TUSC3: variants seen among roughly 807,000 people sequenced by gnomAD.
TUSC3 encodes the protein dolichyl-diphosphooligosaccharide--protein glycosyltransferase subunit TUSC3.
TUSC3 carries 45 observed loss-of-function variants against 44.8 expected under a neutral mutation model. The ratio of observed to expected loss-of-function variants is 1.00; its 90% CI spans 0.79 to 1.29. The LOEUF is 1.29. Among genes scored for constraint, TUSC3 ranks in the 50% most tolerant of loss-of-function variants. The pLI is 0.00. For missense variants in TUSC3, 519 were observed against 437.9 expected, an observed-to-expected ratio of 1.19 and a Z score of -1.65; for synonymous variants, 212 against 152.9, an observed-to-expected ratio of 1.39 and a Z score of -2.85.
At chr8:15,736,367 T>C (rs191015294) in intron 7 of TUSC3, among the ~76,000 whole-genome samples, 13 of 152,276 alleles carry the variant, frequency 8.5e-5, no homozygotes, top group South Asian at 6.2e-4. Flanking sequence ...AAATATGCAG[T>C]TTTTGAAACC....
chr8:15,608,245 C>A (rs1804616212), intron 1 of TUSC3, among the ~76,000 whole-genome samples: 1 of 151,880 alleles, frequency 6.6e-6, no homozygotes, highest in African/African-American at 2.4e-5. Context: ...TATATTTTAT[C>A]CTCAAGAGGT....
At chr8:15,784,557 C>G in the TUSC3 span, among the ~76,000 whole-genome samples, 1 of 151,898 alleles carries the variant, frequency 6.6e-6, no homozygotes, top group African/African-American at 2.4e-5. Context: ...TGCACACACA[C>G]ACACCGTGGA....
At chr8:15,494,220 C>T (rs1423332727) in intron 2 of TUSC3, among the ~76,000 whole-genome samples, 2 of 151,766 alleles carry the variant, frequency 1.3e-5, no homozygotes, top group Non-Finnish European at 2.9e-5. Context: ...CCGTGGATGT[C>T]GTATGGCGTT....
chr8:15,741,656 C>T (rs906580849), intron 7 of TUSC3, among the ~76,000 whole-genome samples: 3 of 151,546 alleles, frequency 2.0e-5, no homozygotes, highest in Admixed American at 2.0e-4. Context: ...CACTGCACTG[C>T]AGCCTGGGCT....
At chr8:15,652,939 G>C (rs1298323375) in intron 3 of TUSC3, among the ~76,000 whole-genome samples, 1 of 151,990 alleles carries the variant, frequency 6.6e-6, no homozygotes, top group East Asian at 1.9e-4. Flanking sequence ...TATCTGTTTT[G>C]TTACGATACC....
At chr8:15,524,894 G>A (rs2129130056) in intron 2 of TUSC3, among the ~76,000 whole-genome samples, 1 of 152,272 alleles carries the variant, frequency 6.6e-6, no homozygotes, top group East Asian at 1.9e-4. Flanking sequence ...TCACTCTTCT[G>A]TAACAGTGAA....
intron 1 of TUSC3, among the ~76,000 whole-genome samples, chr8:15,617,657 G>C (rs1805056169): frequency 6.6e-6 from 1 of 152,184 alleles, no homozygotes; most frequent in African/African-American, 2.4e-5. Context: ...AATAACTTGA[G>C]TATGTTATTT....
chr8:15,601,348 A>T (rs146282474), intron 1 of TUSC3, among the ~76,000 whole-genome samples: 180 of 151,806 alleles, frequency 1.2e-3, no homozygotes, highest in African/African-American at 4.2e-3. Context: ...TGTAGTAGAA[A>T]TGGAAGGCCC....
intron 1 of TUSC3, among the ~76,000 whole-genome samples, chr8:15,570,685 T>C (rs1563295457): frequency 1.3e-5 from 2 of 152,062 alleles, no homozygotes; most frequent in Non-Finnish European, 2.9e-5. Context: ...TTTTATTGTA[T>C]AGGTGAACTT....
intron 1 of TUSC3, among the ~76,000 whole-genome samples, chr8:15,432,092 C>G (rs1029530572): frequency 7.3e-5 from 11 of 151,656 alleles, no homozygotes; most frequent in African/African-American, 2.7e-4. Context: ...TTGTTCTTGT[C>G]TGGCTTTGGT....
rs1043860857 is a variant in TUSC3, at chr8:15,740,148, A to T, written c.863-3390A>T. ...GGCTTCTCTGACAAGATTGAATTTG[A>T]ACAGAGACCCAGTGGAAGTGAGGGA... On this transcript the variant is annotated intron_variant, in intron 7 of 10. Coordinates refer to ENST00000503731, the MANE Select transcript of TUSC3 (RefSeq NM_006765.4). Among the ~76,000 whole-genome samples the T allele has an allele frequency of 6.6e-5, 10 of 152,298 alleles. 1 individual carries two copies. The Middle Eastern group carries it at 0.014, about 207-fold the overall frequency.
the TUSC3 span, among the ~76,000 whole-genome samples, chr8:15,802,268 C>G: frequency 6.6e-6 from 1 of 152,132 alleles, no homozygotes; most frequent in Non-Finnish European, 1.5e-5. Context: ...AAATAATTAT[C>G]AGGAAATTAA....
At chr8:15,830,964 C>A in the TUSC3 span, among the ~76,000 whole-genome samples, 1 of 150,974 alleles carries the variant, frequency 6.6e-6, no homozygotes, top group Non-Finnish European at 1.5e-5. Flanking sequence ...CACGCTGTCA[C>A]TGCCACCACT....
At chr8:15,762,474 T>C (rs1812201799) in intron 10 of TUSC3, among the ~76,000 whole-genome samples, 1 of 152,102 alleles carries the variant, frequency 6.6e-6, no homozygotes, top group Admixed American at 6.6e-5. Flanking sequence ...TATACCTAAG[T>C]ATCATAAAAC....
chr8:15,703,961 A>C (rs1415217351), intron 6 of TUSC3, among the ~76,000 whole-genome samples: 1 of 152,178 alleles, frequency 6.6e-6, no homozygotes, highest in Non-Finnish European at 1.5e-5. Flanking sequence ...GCGCACTGCA[A>C]AATAAGTGAC....
At chr8:15,833,566 C>A in the TUSC3 span, among the ~76,000 whole-genome samples, 1 of 152,082 alleles carries the variant, frequency 6.6e-6, no homozygotes, top group Non-Finnish European at 1.5e-5. Flanking sequence ...AGGCCATTAT[C>A]CTTAGCCAAT....
upstream of TUSC3, among the ~76,000 whole-genome samples, chr8:15,536,500 G>T (rs887269734): frequency 5.3e-5 from 8 of 151,640 alleles, no homozygotes; most frequent in Non-Finnish European, 1.2e-4. Flanking sequence ...TGGACAACAT[G>T]GTGAAACCCT....
chr8:15,618,009 G>C (rs1453255288), intron 1 of TUSC3, among the ~76,000 whole-genome samples: 2 of 152,128 alleles, frequency 1.3e-5, no homozygotes, highest in African/African-American at 4.8e-5. Flanking sequence ...ACAATAAGAA[G>C]TATTTATGTA....
chr8:15,803,538 TTAAA>T, the TUSC3 span, among the ~76,000 whole-genome samples: 1 of 152,172 alleles, frequency 6.6e-6, no homozygotes, highest in African/African-American at 2.4e-5. Context: ...GCATAAAAGG[TTAAA>T]TAGATTCATT....
Sources: allele counts gnomAD v4.1 joint callset (sites outside exome capture counted in the v4.1 genomes callset), GRCh38; gene constraint gnomAD v4.1.1; transcripts MANE v1.5; gene names NCBI Gene and HGNC (gene_info 2026-07-23, HGNC 2026-07-21).